UST: variants seen among roughly 807,000 people sequenced by gnomAD.
The protein encoded by UST is uronyl 2-sulfotransferase.
UST carries 21 observed loss-of-function variants against 45.6 expected under a neutral mutation model. The observed-to-expected ratio is 0.46, with a 90% CI of 0.33 to 0.66. The LOEUF is 0.66. Ranked by LOEUF, UST falls within the 30% of genes least tolerant of loss-of-function variation. The pLI is 0.02. For synonymous variants in UST, 215 were observed against 200.6 expected, an observed-to-expected ratio of 1.07 and a Z score of -0.61; for missense variants, 463 against 512.4, an observed-to-expected ratio of 0.90 and a Z score of 0.93.
rs951652012 is a variant in UST, at chr6:148,747,252, G to A, written c.-179G>A. On this transcript the variant is annotated 5_prime_UTR_variant, in exon 1 of 8. Transcript: ENST00000367463. ...CCTCGGCCGCTCGGGCCGCGGCGGCGGGGACCATGCCGAAGAAAGTCTCCT... is the reference window on the plus strand; with the variant it reads ...CCTCGGCCGCTCGGGCCGCGGCGGCAGGGACCATGCCGAAGAAAGTCTCCT... The A allele has an allele frequency of 3.0e-6, 2 of 676,358 alleles. No individual in the cohort carries two copies. Among genetic ancestry groups the A allele is most frequent in the African/African-American group, 1.9e-5 (1 of 53,432 alleles). 41.9% of individuals were successfully genotyped at this position (676,358 alleles called of 1,614,324 possible).
At chr6:148,886,607 C>G (rs1189696747) in intron 1 of UST, among the ~76,000 whole-genome samples, 1 of 152,182 alleles carries the variant, frequency 6.6e-6, no homozygotes, top group Non-Finnish European at 1.5e-5. Context: ...TGCAGGTTCT[C>G]AGACTGGGGC....
At chr6:148,862,927 A>G (rs1778348821) in intron 1 of UST, among the ~76,000 whole-genome samples, 5 of 152,154 alleles carry the variant, frequency 3.3e-5, no homozygotes, top group African/African-American at 1.2e-4. Flanking sequence ...GGCGCCCTTA[A>G]CATTTTTTCC....
chr6:148,868,113 C>T (rs1582864497), intron 1 of UST, among the ~76,000 whole-genome samples: 1 of 152,320 alleles, frequency 6.6e-6, no homozygotes, highest in African/African-American at 2.4e-5. Flanking sequence ...CAGGCCACTC[C>T]TTAGACAAAA....
At chr6:148,981,507 A>T (rs1170746014) in intron 5 of UST, among the ~76,000 whole-genome samples, 1 of 152,128 alleles carries the variant, frequency 6.6e-6, no homozygotes, top group Non-Finnish European at 1.5e-5. Context: ...CTTTATTTAC[A>T]TCCCATTGCC....
intron 1 of UST, among the ~76,000 whole-genome samples, chr6:148,801,175 T>C (rs1777052157): frequency 6.6e-6 from 1 of 152,170 alleles, no homozygotes; most frequent in South Asian, 2.1e-4. Context: ...TGCTGTGTAT[T>C]GTGTCTATTG....
rs143089625 is a variant in UST, at chr6:148,831,470, TC to T, written c.248-55513del. On this transcript the variant is annotated intron_variant, in intron 1 of 7. Coordinates refer to ENST00000367463, the MANE Select transcript of UST (RefSeq NM_005715.3). ...TCAGATTTAGTTATCACTTATAGAA[TC>T]CCTTCTGAGTGCCAGGCATTGTATT... is the stretch of plus-strand genomic sequence containing the variant. Among the ~76,000 whole-genome samples the T allele has an allele frequency of 5.2e-3, 792 of 152,290 alleles. 3 individuals carry two copies. Among genetic ancestry groups the T allele is most frequent in the Non-Finnish European group, 8.4e-3 (569 of 68,022 alleles).
rs1484488192 is a variant in UST, at chr6:148,939,637, A to G, written c.292-1642A>G. Among the ~76,000 whole-genome samples the G allele has an allele frequency of 7.2e-5, 11 of 152,220 alleles. No individual in the cohort carries two copies. The East Asian group carries it at 2.1e-3, about 29-fold the overall frequency. ...AATAGAAAGAGGAGTCTTTTCAACA[A>G]ATGGTGCTGTGACAATTGGATATTT... On this transcript the variant is annotated intron_variant, in intron 2 of 7. Coordinates refer to ENST00000367463, the MANE Select transcript of UST (RefSeq NM_005715.3).
chr6:149,068,945 C>T (rs765506909), intron 7 of UST, among the ~76,000 whole-genome samples: 27 of 152,186 alleles, frequency 1.8e-4, no homozygotes, highest in Non-Finnish European at 3.4e-4. Flanking sequence ...CTACTCCCTC[C>T]TTGTGGTCAA....
intron 2 of UST, among the ~76,000 whole-genome samples, chr6:148,932,349 C>A (rs1383032580): frequency 6.6e-6 from 1 of 152,102 alleles, no homozygotes; most frequent in African/African-American, 2.4e-5. Flanking sequence ...TCCTGCACTC[C>A]AGCCTGGGCA....
chr6:148,756,501 C>G (rs1776101845), intron 1 of UST, among the ~76,000 whole-genome samples: 1 of 152,182 alleles, frequency 6.6e-6, no homozygotes, highest in Non-Finnish European at 1.5e-5. Context: ...CTTGGTCTGT[C>G]TCAGGGTTTA....
At chr6:148,901,789 C>T (rs1207482193) in intron 2 of UST, among the ~76,000 whole-genome samples, 1 of 152,138 alleles carries the variant, frequency 6.6e-6, no homozygotes, top group Non-Finnish European at 1.5e-5. Flanking sequence ...GAACTCCTGA[C>T]CTCAAGTGGT....
At chr6:148,866,256 G>A (rs907927030) in intron 1 of UST, among the ~76,000 whole-genome samples, 6 of 147,830 alleles carry the variant, frequency 4.1e-5, no homozygotes, top group African/African-American at 1.5e-4. Flanking sequence ...TATTTCTCTC[G>A]TTTATTTATT....
intron 1 of UST, among the ~76,000 whole-genome samples, chr6:148,885,090 C>T (rs575659147): frequency 4.6e-5 from 7 of 152,060 alleles, no homozygotes; most frequent in African/African-American, 1.7e-4. Context: ...AGTAGGTACC[C>T]GAGCCTGGAG....
At chr6:149,005,510 A>G in intron 5 of UST, 1 of 985,414 alleles carries the variant, frequency 1.0e-6, no homozygotes, top group Non-Finnish European at 1.2e-6. Context: ...ATTTAATGAG[A>G]TAGAATTAGT....
At chr6:148,840,338 T>C (rs1464197339) in intron 1 of UST, among the ~76,000 whole-genome samples, 3 of 152,162 alleles carry the variant, frequency 2.0e-5, no homozygotes, top group South Asian at 2.1e-4. Context: ...TCAAAAGGAA[T>C]GTCCATGGGA....
intron 1 of UST, among the ~76,000 whole-genome samples, chr6:148,878,158 G>A (rs1778735096): frequency 1.7e-5 from 2 of 118,292 alleles, no homozygotes; most frequent in African/African-American, 3.3e-5. Context: ...GGTCGTGTGT[G>A]AGTGCGGGGG....
chr6:148,873,904 C>T (rs1778603334), intron 1 of UST, among the ~76,000 whole-genome samples: 1 of 152,224 alleles, frequency 6.6e-6, no homozygotes, highest in Non-Finnish European at 1.5e-5. Context: ...TCATCTTCAC[C>T]TTACCTGCTC....
intron 5 of UST, among the ~76,000 whole-genome samples, chr6:148,977,597 A>C (rs1486747906): frequency 6.6e-6 from 1 of 152,000 alleles, no homozygotes; most frequent in Non-Finnish European, 1.5e-5. Context: ...TAAAGATACA[A>C]AAAAATTAGC....
intron 2 of UST, among the ~76,000 whole-genome samples, chr6:148,890,660 C>G (rs539886536): frequency 6.6e-6 from 1 of 152,246 alleles, no homozygotes; most frequent in South Asian, 2.1e-4. Flanking sequence ...ATACTGGGCC[C>G]CCGTCCTCAT....
Sources: allele counts gnomAD v4.1 joint callset (sites outside exome capture counted in the v4.1 genomes callset), GRCh38; gene constraint gnomAD v4.1.1; transcripts MANE v1.5; gene names NCBI Gene and HGNC (gene_info 2026-07-23, HGNC 2026-07-21).